Variants in TRAPPC10 observed in about 807,000 individuals in gnomAD.
TRAPPC10 encodes the protein trafficking protein particle complex subunit 10.
TRAPPC10 carries 23 observed loss-of-function variants against 125.5 expected under a neutral mutation model. The observed-to-expected ratio is 0.18, with a 90% CI of 0.13 to 0.26. The LOEUF (loss-of-function observed/expected upper bound fraction) is 0.26, where lower values mean the gene tolerates loss of function less well. TRAPPC10 is among the 10% of genes least tolerant of loss of function. TRAPPC10 has a pLI of 1.00. For synonymous variants in TRAPPC10, 509 were observed against 518.0 expected, an observed-to-expected ratio of 0.98 and a Z score of 0.24; for missense variants, 1,123 against 1,308.4, an observed-to-expected ratio of 0.86 and a Z score of 2.19.
In TRAPPC10 at chr21:44,052,133, G is replaced by A. The variant is rs2035273418; in HGVS notation, c.286-147G>A. The A allele has an allele frequency of 9.2e-6, 6 of 651,874 alleles. No individual in the cohort carries two copies. The South Asian group carries it at 1.2e-4, about 13-fold the overall frequency. 40.4% of individuals were successfully genotyped at this position (651,874 alleles called of 1,614,324 possible). ...AGCACGCCCGCAGGCTTGCTAGGCC[G>A]CTGGGCTTTTTATTCAATTTAAGTC... is the stretch of plus-strand genomic sequence containing the variant. On this transcript the variant is annotated intron_variant, in intron 3 of 22. Transcript: ENST00000291574.
In TRAPPC10 at chr21:44,063,907, T is replaced by A. The variant is rs2036236026; in HGVS notation, c.1038+122T>A. 7.4e-7 allele frequency: 1 copy of A among 1,349,234 alleles called. No homozygotes were observed. The highest frequency in any genetic ancestry group is 1.0e-6 in the Non-Finnish European group (1 of 997,686). 83.6% of individuals were successfully genotyped at this position (1,349,234 alleles called of 1,614,324 possible). ...GAAAGGGTTTTCTTTTCTGAATGCC[T>A]TTAATTTTCAGTATATTGTTTGCTT... On this transcript the variant is annotated intron_variant, in intron 7 of 22. Coordinates refer to ENST00000291574, the MANE Select transcript of TRAPPC10 (RefSeq NM_003274.5). This position sits in a 1 kb window ranked among gnomAD's most constrained non-coding sequence, Gnocchi z 4.4.
intron 19 of TRAPPC10, 115 bp downstream of exon 19, chr21:44,092,164 A>AGTAAAGGCTC: frequency 7.4e-7 from 1 of 1,350,924 alleles, no homozygotes; most frequent in Non-Finnish European, 1.0e-6. Flanking sequence ...ACTGCTGATG[A>AGTAAAGGCTC]GTAAAGGCTC....
chr21:44,047,159 G>T (rs566390649), intron 3 of TRAPPC10: 14 of 411,950 alleles, frequency 3.4e-5, no homozygotes, highest in Non-Finnish European at 5.5e-5. Context: ...GGGGTTTATA[G>T]TTTTGATTTA....
intron 1 of TRAPPC10, among the ~76,000 whole-genome samples, chr21:44,018,390 C>A (rs1286559854): frequency 6.6e-6 from 1 of 151,686 alleles, no homozygotes; most frequent in Non-Finnish European, 1.5e-5. Flanking sequence ...GGTGACAGAG[C>A]AAGACCTGGT....
intron 3 of TRAPPC10, among the ~76,000 whole-genome samples, chr21:44,050,153 A>G (rs1219340677): frequency 6.6e-6 from 1 of 152,090 alleles, no homozygotes; most frequent in Non-Finnish European, 1.5e-5. Flanking sequence ...CTTAAGAGTC[A>G]CAGAGTCGTT....
At chr21:44,085,432 A>G (rs1033485568) in intron 15 of TRAPPC10, among the ~76,000 whole-genome samples, 1 of 152,228 alleles carries the variant, frequency 6.6e-6, no homozygotes, top group African/African-American at 2.4e-5. Context: ...GTTAGGATCT[A>G]TACTCAGATC....
chr21:44,073,724 T>TATAGGGAGCA (rs1411658721), intron 7 of TRAPPC10, among the ~76,000 whole-genome samples: 1 of 152,218 alleles, frequency 6.6e-6, no homozygotes, highest in Non-Finnish European at 1.5e-5. Context: ...TACTGCAGTG[T>TATAGGGAGCA]ATAGGGAGCA....
chr21:44,085,889 C>T lies in TRAPPC10; in HGVS notation c.2381-913C>T, dbSNP rs28627345. The stretch of plus-strand genomic sequence containing the variant: ...AGAGTGAGTGAATGTCTCCTTTGTT[C>T]GGGCTAGCAACGATTTATTTATTTG... On this transcript the variant is annotated intron_variant, in intron 15 of 22. Transcript: ENST00000291574. Among the ~76,000 whole-genome samples the T allele has an allele frequency of 5.5e-3, 845 of 152,256 alleles. 7 individuals are homozygous for T. Among genetic ancestry groups the T allele is most frequent in the African/African-American group, 0.019 (790 of 41,534 alleles).
At chr21:44,055,944 T>C (rs774157835) in intron 5 of TRAPPC10, 51 bp downstream of exon 5, 3 of 1,439,556 alleles carry the variant, frequency 2.1e-6, no homozygotes, top group African/African-American at 2.8e-5. Context: ...TTCCCTCCTT[T>C]GTTCCCTCCC....
intron 1 of TRAPPC10, among the ~76,000 whole-genome samples, chr21:44,021,639 T>C (rs1601556473): frequency 1.3e-5 from 2 of 152,232 alleles, no homozygotes; most frequent in Admixed American, 6.5e-5. Context: ...ATGGATGTTA[T>C]GGACTGAACA....
chr21:44,060,980 C>A (rs28859288), intron 6 of TRAPPC10, among the ~76,000 whole-genome samples: 49,349 of 149,686 alleles, frequency 0.33, 10,506 homozygotes, highest in African/African-American at 0.62. Context: ...GCTTTGTTGC[C>A]AGGCTGGAGT....
intron 11 of TRAPPC10, among the ~76,000 whole-genome samples, chr21:44,079,091 T>C (rs7277785): frequency 0.011 from 1,661 of 152,310 alleles, 32 homozygotes; most frequent in African/African-American, 0.038. Flanking sequence ...GCTTGCGCCC[T>C]GTAGACTGCT....
chr21:44,022,276 ATTTT>A (rs58767563), intron 1 of TRAPPC10, among the ~76,000 whole-genome samples: 1 of 83,774 alleles, frequency 1.2e-5, no homozygotes, highest in African/African-American at 4.3e-5. Context: ...GCCTGGCTAA[ATTTT>A]TTTTTTTTTT....
intron 5 of TRAPPC10, 80 bp downstream of exon 5, chr21:44,055,973 T>A: frequency 8.0e-7 from 1 of 1,250,342 alleles, no homozygotes; most frequent in Non-Finnish European, 1.1e-6. Flanking sequence ...CCTTTCTTTC[T>A]AAGTAAGGCA....
intron 17 of TRAPPC10, chr21:44,089,078 TCCCTG>T (rs1334710042): frequency 1.3e-5 from 3 of 233,524 alleles, no homozygotes; most frequent in Non-Finnish European, 2.6e-5. Context: ...TATCCTCTCT[TCCCTG>T]GCGCTGGTGG....
In TRAPPC10 at chr21:44,087,597, G is replaced by A. The variant is rs2038231345; in HGVS notation, c.2540-102G>A. ...CTGCCAGGTGCGCAGGAGCGGGAGAGGTTGAGCAGTGGCCTCACTGCTGGG... is the reference window on the plus strand; with the variant it reads ...CTGCCAGGTGCGCAGGAGCGGGAGAAGTTGAGCAGTGGCCTCACTGCTGGG... On this transcript the variant is annotated intron_variant, in intron 16 of 22. Coordinates refer to ENST00000291574, the MANE Select transcript of TRAPPC10 (RefSeq NM_003274.5). This position sits in a 1 kb window ranked among gnomAD's most constrained non-coding sequence, Gnocchi z 4.6. 9.8e-7 allele frequency: 1 copy of A among 1,018,214 alleles called. No individual in the cohort carries two copies. Among genetic ancestry groups the A allele is most frequent in the Non-Finnish European group, 1.5e-6 (1 of 670,922 alleles). The allele number at this position is 1,018,214 out of a possible 1,614,324, so 63.1% of individuals were successfully genotyped here.
At chr21:44,040,329 T>C (rs562743715) in intron 3 of TRAPPC10, among the ~76,000 whole-genome samples, 2 of 152,196 alleles carry the variant, frequency 1.3e-5, no homozygotes, top group African/African-American at 4.8e-5. Flanking sequence ...TATTAGAGAT[T>C]TTTAAAAATT....
At chr21:44,065,566 G>A (rs1047898919) in intron 7 of TRAPPC10, among the ~76,000 whole-genome samples, 2 of 152,174 alleles carry the variant, frequency 1.3e-5, no homozygotes, top group African/African-American at 4.8e-5. Flanking sequence ...AGGCAAGGAC[G>A]TGTCACCCAC....
At chr21:44,077,322 C>T (rs1240084463) in intron 10 of TRAPPC10, among the ~76,000 whole-genome samples, 6 of 152,214 alleles carry the variant, frequency 3.9e-5, no homozygotes, top group African/African-American at 1.4e-4. Context: ...GGCATGGTGG[C>T]TCACGCCTGT....
Sources: allele counts gnomAD v4.1 joint callset (sites outside exome capture counted in the v4.1 genomes callset), GRCh38; gene constraint gnomAD v4.1.1; non-coding constraint Gnocchi (gnomAD v3.1); transcripts MANE v1.5; gene names NCBI Gene and HGNC (gene_info 2026-07-23, HGNC 2026-07-21).